CMAS: variants seen among roughly 807,000 people sequenced by gnomAD.
CMAS encodes the protein cytidine monophosphate N-acetylneuraminic acid synthetase.
CMAS carries 21 observed loss-of-function variants against 53.4 expected under a neutral mutation model. The observed-to-expected ratio is 0.39, with a 90% CI of 0.28 to 0.57. CMAS has a LOEUF of 0.57. CMAS is among the 20% of genes least tolerant of loss of function. CMAS has a pLI of 0.56. For missense variants in CMAS, 384 were observed against 534.9 expected, an observed-to-expected ratio of 0.72 and a Z score of 2.78; for synonymous variants, 189 against 195.2, an observed-to-expected ratio of 0.97 and a Z score of 0.27.
At chr12:22,058,296 A>T (rs1171625376) in intron 3 of CMAS, among the ~76,000 whole-genome samples, 1 of 151,186 alleles carries the variant, frequency 6.6e-6, no homozygotes, top group Non-Finnish European at 1.5e-5. Flanking sequence ...GTGGTGGTGC[A>T]TGCCTGTAGT....
intron 1 of CMAS, among the ~76,000 whole-genome samples, chr12:22,053,827 C>T (rs1263599334): frequency 7.4e-5 from 11 of 148,484 alleles, no homozygotes; most frequent in Non-Finnish European, 1.3e-4. Context: ...TGCAGTGAGC[C>T]GAGATCGCGC....
intron 7 of CMAS, among the ~76,000 whole-genome samples, chr12:22,063,596 C>G (rs539948887): frequency 4.0e-5 from 6 of 151,766 alleles, no homozygotes; most frequent in Non-Finnish European, 8.8e-5. Context: ...ATAGGTAAAA[C>G]TCTAGAATTA....
chr12:22,060,883 G>A lies in CMAS; in HGVS notation c.745G>A (p.Asp249Asn). The A allele has an allele frequency of 6.2e-7, 1 of 1,612,308 alleles. No individual in the cohort carries two copies. The highest frequency in any genetic ancestry group is 8.5e-7 in the Non-Finnish European group (1 of 1,178,590). ...GCGAGCTGAACATAGTGTGGATATA[G>A]ATGTGGATATTGATTGGCCTATTGC... ...EMRAEHSVDIDVDIDWPIAEQ... is the reference protein window; with the variant it reads ...EMRAEHSVDINVDIDWPIAEQ... Residue 249 changes from aspartate (D) to asparagine (N), a missense_variant, in exon 5 of 8, where the codon GAT becomes AAT. Asp to Asn is a conservative substitution (Grantham distance 23). Around this residue, in one of 3 missense-constraint regions of CMAS, gnomAD observed 139 missense variants for 248.0 expected, o/e 0.56. Coordinates refer to ENST00000229329, the MANE Select transcript of CMAS (RefSeq NM_018686.6).
chr12:22,053,959 C>T (rs1950251923), intron 1 of CMAS, among the ~76,000 whole-genome samples: 2 of 147,152 alleles, frequency 1.4e-5, no homozygotes, highest in South Asian at 4.4e-4. Flanking sequence ...CAGGGTCTCG[C>T]TGTGTCTCTC....
At chr12:22,054,913 G>T (rs1202090322) in intron 1 of CMAS, among the ~76,000 whole-genome samples, 1 of 151,724 alleles carries the variant, frequency 6.6e-6, no homozygotes, top group African/African-American at 2.4e-5. Flanking sequence ...AGTGTCTGTT[G>T]TTCCTTTCTT....
In CMAS at chr12:22,065,154, G is replaced by A. The variant is rs1238462699; in HGVS notation, c.1148G>A (p.Arg383Lys). The change falls in exon 8 of 8, where the codon AGA (arginine) becomes AAA (lysine). Residue 383 changes from arginine (R) to lysine (K), a missense_variant. Coordinates refer to ENST00000229329, the MANE Select transcript of CMAS (RefSeq NM_018686.6). ...GTGTCTGATGAAGAGTGCTTGAAGA[G>A]AGTGGGCCTAAGTGGCGCTCCTGCT... is the stretch of plus-strand genomic sequence containing the variant. ...NEVSDEECLKRVGLSGAPADA... is the reference protein window; with the variant it reads ...NEVSDEECLKKVGLSGAPADA... 1 of 1,613,786 alleles carries A rather than the reference G, an allele frequency of 6.2e-7. No homozygotes were observed. The highest frequency in any genetic ancestry group is 8.5e-7 in the Non-Finnish European group (1 of 1,179,808).
rs1565531140 is a variant in CMAS at position 22,059,128 on chromosome 12, T to TATATA, written c.693+428_693+429insATATA. Among the ~76,000 whole-genome samples, 142 of 136,908 alleles carry TATATA rather than the reference T, an allele frequency of 1.0e-3. 1 individual carries two copies. Among genetic ancestry groups the TATATA allele is most frequent in the African/African-American group, 3.7e-3 (135 of 36,402 alleles). The allele number at this position is 136,908 out of a possible 152,430, so 89.8% of individuals were successfully genotyped here. A position where few individuals can be genotyped will look rare whatever the true frequency, so the allele number is the denominator to read the frequency against. ...GGGTGTCAGGAAACCCGGAATCTTT[T>TATATA]TATATATATATATATATATATTTTT... On this transcript the variant is annotated intron_variant, in intron 4 of 7. Coordinates refer to ENST00000229329, the MANE Select transcript of CMAS (RefSeq NM_018686.6).
intron 7 of CMAS, among the ~76,000 whole-genome samples, chr12:22,063,378 T>G (rs983419102): frequency 1.3e-5 from 2 of 152,214 alleles, no homozygotes; most frequent in African/African-American, 2.4e-5. Flanking sequence ...CCAATTTTTA[T>G]TAGAAGAAAA....
chr12:22,062,199 C>A, intron 6 of CMAS, 82 bp from the exon 7 acceptor site: 1 of 1,298,560 alleles, frequency 7.7e-7, no homozygotes, highest in Non-Finnish European at 1.0e-6. Context: ...TCTACAAGGT[C>A]AATTATTATG....
At chr12:22,055,657 A>AT (rs1471749991) in intron 3 of CMAS, 47 bp downstream of exon 3, 9 of 1,516,438 alleles carry the variant, frequency 5.9e-6, no homozygotes, top group African/African-American at 2.8e-5. Context: ...TTGAGAATCA[A>AT]TTTTTTTGTA....
chr12:22,055,304 T>A lies in CMAS; in HGVS notation c.403+13T>A, dbSNP rs1950260657. On this transcript the variant is annotated intron_variant, in intron 2 of 7. Coordinates refer to ENST00000229329, the MANE Select transcript of CMAS (RefSeq NM_018686.6). ...AATTATCATAATGGTATGAATTTGA[T>A]TAATAGTTTATTCAAACCTTTATGT... is the stretch of plus-strand genomic sequence containing the variant. The A allele has an allele frequency of 5.7e-6, 9 of 1,569,440 alleles. No individual in the cohort carries two copies. The highest frequency in any genetic ancestry group is 7.8e-6 in the Non-Finnish European group (9 of 1,146,858).
intron 3 of CMAS, among the ~76,000 whole-genome samples, chr12:22,056,424 C>T (rs902574272): frequency 2.6e-5 from 4 of 152,182 alleles, no homozygotes; most frequent in East Asian, 3.9e-4. Context: ...ACCTTTTCTT[C>T]TATCAGGAAG....
At position 22,060,897 on chromosome 12, in the gene CMAS, T is replaced by C. The variant is rs1249465516; in HGVS notation, c.759T>C (p.Asp253=). ...GTGTGGATATAGATGTGGATATTGA[T>C]TGGCCTATTGCAGAGCAAAGAGTAT... The part of the protein sequence containing the change: ...EHSVDIDVDI[D]WPIAEQRVLR... Residue 253 remains aspartate, a synonymous_variant, in exon 5 of 8, where the codon GAT becomes GAC. Transcript: ENST00000229329. 1.9e-6 allele frequency: 3 copies of C among 1,610,066 alleles called. No individual in the cohort carries two copies. Among genetic ancestry groups the C allele is most frequent in the Admixed American group, 1.7e-5 (1 of 59,982 alleles).
intron 7 of CMAS, among the ~76,000 whole-genome samples, chr12:22,062,679 T>C (rs1950316655): frequency 6.6e-6 from 1 of 152,142 alleles, no homozygotes; most frequent in Non-Finnish European, 1.5e-5. Flanking sequence ...TACCACTGAT[T>C]AGCCAGTTGT....
At chr12:22,057,317 A>G (rs1204435827) in intron 3 of CMAS, among the ~76,000 whole-genome samples, 1 of 151,932 alleles carries the variant, frequency 6.6e-6, no homozygotes, top group African/African-American at 2.4e-5. Flanking sequence ...GAATCTCTAC[A>G]TGACAGTACC....
chr12:22,062,502 A>C, intron 7 of CMAS, 68 bp downstream of exon 7: 1 of 1,498,410 alleles, frequency 6.7e-7, no homozygotes, highest in Non-Finnish European at 9.2e-7. Context: ...TTTTTAAAGA[A>C]ATGACAAAGC....
At chr12:22,057,309 A>G (rs1950275109) in intron 3 of CMAS, among the ~76,000 whole-genome samples, 2 of 151,852 alleles carry the variant, frequency 1.3e-5, no homozygotes, top group Middle Eastern at 3.4e-3. Flanking sequence ...AGGCAAAGGA[A>G]TCTCTACATG....
rs140877843 is a variant in CMAS, at chr12:22,049,328, A to G, written c.260+2765A>G. Among the ~76,000 whole-genome samples, 321 of 152,320 alleles carry G rather than the reference A, an allele frequency of 2.1e-3. 4 individuals carry two copies. Among genetic ancestry groups the G allele is most frequent in the African/African-American group, 7.0e-3 (292 of 41,566 alleles). ...AGTACAATTACCAAAAGTGAGGGGGAATAGATTCTGTTGGTCAGAACCCAA... is the reference window on the plus strand; with the variant it reads ...AGTACAATTACCAAAAGTGAGGGGGGATAGATTCTGTTGGTCAGAACCCAA... On this transcript the variant is annotated intron_variant, in intron 1 of 7. Transcript: ENST00000229329.
intron 1 of CMAS, 29 bp downstream of exon 1, chr12:22,046,592 G>T (rs1950207780): frequency 9.3e-6 from 14 of 1,498,796 alleles, no homozygotes; most frequent in Admixed American, 2.2e-5. Context: ...GGGCGGCGCG[G>T]CCTGGGCGGG....
Sources: allele counts gnomAD v4.1 joint callset (sites outside exome capture counted in the v4.1 genomes callset), GRCh38; gene constraint gnomAD v4.1.1; regional missense constraint gnomAD v4.1.1; transcripts MANE v1.5; gene names NCBI Gene and HGNC (gene_info 2026-07-23, HGNC 2026-07-21).